CAMKMT: variants seen among roughly 807,000 people sequenced by gnomAD.
CAMKMT encodes the protein CaM KMT.
CAMKMT carries 53 observed loss-of-function variants against 48.0 expected under a neutral mutation model. That is an observed-to-expected ratio of 1.10 (90% CI 0.89 to 1.39). CAMKMT has a LOEUF of 1.39. CAMKMT is among the 40% of genes most tolerant of loss of function. CAMKMT has a pLI of 0.00. For synonymous variants in CAMKMT, 165 were observed against 152.3 expected, an observed-to-expected ratio of 1.08 and a Z score of -0.61; for missense variants, 428 against 402.7, an observed-to-expected ratio of 1.06 and a Z score of -0.54.
chr2:44,750,805 G>C (rs567484673), intron 8 of CAMKMT, among the ~76,000 whole-genome samples: 16 of 152,330 alleles, frequency 1.1e-4, no homozygotes, highest in Admixed American at 8.5e-4. Flanking sequence ...CCTGAGGTCA[G>C]GAGTTTGAGA....
At chr2:44,527,784 A>C (rs1304859681) in intron 3 of CAMKMT, among the ~76,000 whole-genome samples, 1 of 63,066 alleles carries the variant, frequency 1.6e-5, no homozygotes, top group East Asian at 3.2e-4. Context: ...ACATGTGTAC[A>C]GCCCCCCCCC....
intron 3 of CAMKMT, among the ~76,000 whole-genome samples, chr2:44,598,540 C>A: frequency 6.6e-6 from 1 of 151,088 alleles, no homozygotes; most frequent in Non-Finnish European, 1.5e-5. Flanking sequence ...AATGAACAGC[C>A]TGACAAGTAT....
intron 3 of CAMKMT, among the ~76,000 whole-genome samples, chr2:44,585,437 T>C (rs1669805473): frequency 6.6e-6 from 1 of 152,238 alleles, no homozygotes; most frequent in South Asian, 2.1e-4. Flanking sequence ...CATATTCCTG[T>C]AGGAAGTGGC....
At chr2:44,401,073 C>G (rs1242997372) in intron 3 of CAMKMT, 1 of 151,520 alleles carries the variant, frequency 6.6e-6, no homozygotes, top group African/African-American at 2.4e-5. Context: ...CTATTATGTG[C>G]TGTCCTGCAT....
intron 3 of CAMKMT, among the ~76,000 whole-genome samples, chr2:44,633,149 GT>G (rs1672933774): frequency 6.6e-6 from 1 of 152,022 alleles, no homozygotes; most frequent in Non-Finnish European, 1.5e-5. Context: ...GAAGTCAAAA[GT>G]ACACCCATTT....
chr2:44,683,858 AAAAAG>A (rs1429544845), intron 3 of CAMKMT, among the ~76,000 whole-genome samples: 1 of 151,366 alleles, frequency 6.6e-6, no homozygotes, highest in African/African-American at 2.4e-5. Flanking sequence ...AAGAAAAAAG[AAAAAG>A]AAAAGAAAAA....
At chr2:44,401,034 A>C (rs969411662) in intron 3 of CAMKMT, 2 of 151,026 alleles carry the variant, frequency 1.3e-5, no homozygotes, top group Non-Finnish European at 2.9e-5. Context: ...GAACAGAAAG[A>C]GCAATCTCCA....
At position 44,772,031 on chromosome 2, in the gene CAMKMT, T is replaced by C; in HGVS notation, c.895-5T>C. 6.2e-7 allele frequency: 1 copy of C among 1,607,344 alleles called. No homozygotes were observed. The highest frequency in any genetic ancestry group is 1.1e-5 in the South Asian group (1 of 90,560). The stretch of plus-strand genomic sequence containing the variant: ...TTACCTTTTTCTTTCTATTATTGTT[T>C]TCAGTTGAAAAAGGAAAACCCGGAC... On this transcript the variant is annotated splice_polypyrimidine_tract_variant and splice_region_variant and intron_variant, in intron 10 of 10. Coordinates refer to ENST00000378494, the MANE Select transcript of CAMKMT (RefSeq NM_024766.5).
At chr2:44,450,440 G>A (rs970331380) in intron 3 of CAMKMT, among the ~76,000 whole-genome samples, 4 of 152,080 alleles carry the variant, frequency 2.6e-5, no homozygotes, top group Non-Finnish European at 5.9e-5. Context: ...AGATCTTAGC[G>A]TTAATTATGC....
At chr2:44,585,406 A>C (rs1291973424) in intron 3 of CAMKMT, among the ~76,000 whole-genome samples, 2 of 152,218 alleles carry the variant, frequency 1.3e-5, no homozygotes, top group Admixed American at 1.3e-4. Context: ...ACTAACTCAA[A>C]GGATGTGGTG....
chr2:44,568,673 CCATGAGGGCA>C (rs1668740700), intron 3 of CAMKMT, among the ~76,000 whole-genome samples: 4 of 152,102 alleles, frequency 2.6e-5, no homozygotes, highest in Admixed American at 1.3e-4. Context: ...GACTGTGGGT[CCATGAGGGCA>C]CCTCATGGAC....
chr2:44,684,493 A>G lies in CAMKMT; in HGVS notation c.377-19790A>G, dbSNP rs78105645. 5.5e-3 allele frequency among the ~76,000 whole-genome samples: 842 copies of G among 152,160 alleles called. 23 individuals are homozygous for G. The East Asian group carries it at 0.067, about 12-fold the overall frequency. ...TATCATAGCAAAGAGAAGGGGACAA[A>G]AAAAAAAACCTAGACAGAATCATTT... On this transcript the variant is annotated intron_variant, in intron 3 of 10. Transcript: ENST00000378494.
At chr2:44,710,492 C>T (rs1451748984) in intron 6 of CAMKMT, among the ~76,000 whole-genome samples, 1 of 152,126 alleles carries the variant, frequency 6.6e-6, no homozygotes, top group Non-Finnish European at 1.5e-5. Flanking sequence ...CACCTGAGAG[C>T]TGCTCTTCCC....
chr2:44,578,741 A>G (rs1157803913), intron 3 of CAMKMT, among the ~76,000 whole-genome samples: 2 of 152,194 alleles, frequency 1.3e-5, no homozygotes, highest in Non-Finnish European at 2.9e-5. Context: ...GGTCCGTATT[A>G]TTTTTAAGTT....
In CAMKMT at chr2:44,577,487, T is replaced by C. The variant is rs1357652767; in HGVS notation, c.377-126796T>C. 2.6e-5 allele frequency among the ~76,000 whole-genome samples: 4 copies of C among 152,048 alleles called. No individual in the cohort carries two copies. In the East Asian group the frequency reaches 7.7e-4, roughly 29 times the overall value. ...TATGGAAATTAGCCAGGTGTGGTAG[T>C]ACATGCCTATAGTGGCAGCTACCTG... On this transcript the variant is annotated intron_variant, in intron 3 of 10. Transcript: ENST00000378494.
intron 3 of CAMKMT, among the ~76,000 whole-genome samples, chr2:44,493,422 C>G (rs552423372): frequency 6.6e-6 from 1 of 152,300 alleles, no homozygotes; most frequent in Non-Finnish European, 1.5e-5. Context: ...AGAAATCATT[C>G]TGTCTTTCTC....
rs558698073 is a variant in CAMKMT at position 44,414,930 on chromosome 2, C to T, written c.376+24625C>T. ...CAGCATGCTGGGAGGCCGAGGCGGG[C>T]GGATCACGAGGTCAAGAGATGGAGA... is the stretch of plus-strand genomic sequence containing the variant. On this transcript the variant is annotated intron_variant, in intron 3 of 10. Transcript: ENST00000378494. 9.1e-4 allele frequency among the ~76,000 whole-genome samples: 138 copies of T among 152,208 alleles called. 3 individuals are homozygous for T. The South Asian group carries it at 0.026, about 29-fold the overall frequency.
chr2:44,545,248 T>C (rs1035491429), intron 3 of CAMKMT, among the ~76,000 whole-genome samples: 3 of 152,250 alleles, frequency 2.0e-5, no homozygotes, highest in South Asian at 2.1e-4. Flanking sequence ...CCATTAGCAA[T>C]GCGAGTTCCA....
chr2:44,607,836 C>T (rs1328032254), intron 3 of CAMKMT, among the ~76,000 whole-genome samples: 2 of 151,812 alleles, frequency 1.3e-5, no homozygotes, highest in African/African-American at 4.8e-5. Context: ...TTTTAAAAAA[C>T]TTTTTATTAT....
Sources: allele counts gnomAD v4.1 joint callset (sites outside exome capture counted in the v4.1 genomes callset), GRCh38; gene constraint gnomAD v4.1.1; transcripts MANE v1.5; gene names NCBI Gene and HGNC (gene_info 2026-07-23, HGNC 2026-07-21).